The following OR2L13 variants were observed in gnomAD, a reference collection of about 807,000 sequenced individuals.
OR2L13 encodes olfactory receptor 2L13.
A neutral mutation model predicts 15.3 loss-of-function variants in OR2L13; 14 were observed. The ratio of observed to expected loss-of-function variants is 0.91; its 90% confidence interval spans 0.60 to 1.43. The LOEUF (loss-of-function observed/expected upper bound fraction) is 1.43, where lower values mean the gene tolerates loss of function less well. Ranked by LOEUF, OR2L13 falls within the 40% of genes most tolerant of loss-of-function variation. The probability of loss-of-function intolerance (pLI) is 0.00; values close to 1 mark genes in which losing one functional copy is unlikely to be tolerated. For synonymous variants in OR2L13, 152 were observed against 142.9 expected (o/e 1.06, Z -0.45); for missense variants, 367 against 387.9 (o/e 0.95, Z 0.45).
the OR2L13 span, chr1:248,061,730 G>A: frequency 4.9e-6 from 5 of 1,024,254 alleles, no homozygotes; most frequent in Admixed American, 1.2e-4. Flanking sequence ...AGTAATCAAG[G>A]TAAGAGAAAA....
chr1:247,980,403 G>A, the OR2L13 span, among the ~76,000 whole-genome samples: 1 of 152,098 alleles, frequency 6.6e-6, no homozygotes, highest in African/African-American at 2.4e-5. Context: ...CTTACTGCCA[G>A]TATAAACTAA....
chr1:248,052,406 T>A, the OR2L13 span, among the ~76,000 whole-genome samples: 1 of 152,294 alleles, frequency 6.6e-6, no homozygotes, highest in East Asian at 1.9e-4. Flanking sequence ...ATTGTTTTGA[T>A]TACTATAGCT....
chr1:248,061,879 G>GT, the OR2L13 span: 1 of 308,584 alleles, frequency 3.2e-6, no homozygotes, highest in African/African-American at 2.2e-5. Context: ...GAGAATTTTT[G>GT]TTTTTGGTCA....
At chr1:248,001,627 G>T in the OR2L13 span, among the ~76,000 whole-genome samples, 1 of 151,742 alleles carries the variant, frequency 6.6e-6, no homozygotes, top group Non-Finnish European at 1.5e-5. Flanking sequence ...TTTTACATAA[G>T]AAAAATATAT....
At chr1:247,979,195 G>A in the OR2L13 span, among the ~76,000 whole-genome samples, 1 of 151,916 alleles carries the variant, frequency 6.6e-6, no homozygotes, top group African/African-American at 2.4e-5. Flanking sequence ...TAAGTTCTAG[G>A]GTACATGTGC....
the OR2L13 span, among the ~76,000 whole-genome samples, chr1:248,016,861 C>T: frequency 6.6e-6 from 1 of 152,024 alleles, no homozygotes; most frequent in Admixed American, 6.6e-5. Flanking sequence ...CTTACAACCC[C>T]TGAATCTCAA....
At chr1:247,973,640 A>G in the OR2L13 span, among the ~76,000 whole-genome samples, 2 of 152,228 alleles carry the variant, frequency 1.3e-5, no homozygotes, top group African/African-American at 4.8e-5. Flanking sequence ...CACTTCCCAA[A>G]AGAAGATATT....
At chr1:247,947,608 G>A in the OR2L13 span, among the ~76,000 whole-genome samples, 1 of 152,164 alleles carries the variant, frequency 6.6e-6, no homozygotes, top group Non-Finnish European at 1.5e-5. Flanking sequence ...AATGTGTAAT[G>A]TTATCTAATC....
At chr1:247,982,042 C>G in the OR2L13 span, among the ~76,000 whole-genome samples, 1 of 152,156 alleles carries the variant, frequency 6.6e-6, no homozygotes, top group Non-Finnish European at 1.5e-5. Context: ...GTCTCAATCT[C>G]CTGACCTCGT....
the OR2L13 span, chr1:248,022,835 G>A: frequency 6.2e-7 from 1 of 1,613,476 alleles, no homozygotes; most frequent in Non-Finnish European, 8.5e-7. Context: ...ACAAGGAGGT[G>A]ATGGGGGCCC....
the OR2L13 span, chr1:247,975,130 C>T: frequency 2.6e-6 from 1 of 390,200 alleles, no homozygotes; most frequent in Non-Finnish European, 5.1e-6. Flanking sequence ...TTCCTCTCCA[C>T]TATCCCATCC....
At chr1:248,052,667 C>T in the OR2L13 span, among the ~76,000 whole-genome samples, 10 of 152,076 alleles carry the variant, frequency 6.6e-5, no homozygotes, top group African/African-American at 2.4e-4. Context: ...GGAGGTGGAG[C>T]TTGTAGTCAC....
the OR2L13 span, among the ~76,000 whole-genome samples, chr1:248,026,635 CAGA>C: frequency 6.6e-6 from 1 of 152,156 alleles, no homozygotes; most frequent in Admixed American, 6.5e-5. Flanking sequence ...GAAGCCATGG[CAGA>C]AGAACATAAA....
chr1:248,082,851 GA>G, the OR2L13 span, among the ~76,000 whole-genome samples: 1 of 152,258 alleles, frequency 6.6e-6, no homozygotes, highest in South Asian at 2.1e-4. Context: ...CATTCAGCAT[GA>G]TTATGCAATT....
chr1:248,063,623 G>C, the OR2L13 span, among the ~76,000 whole-genome samples: 1 of 152,142 alleles, frequency 6.6e-6, no homozygotes, highest in African/African-American at 2.4e-5. Context: ...CTTCCATCAC[G>C]AGTCACTTGC....
At chr1:247,960,696 T>G in the OR2L13 span, among the ~76,000 whole-genome samples, 1 of 152,188 alleles carries the variant, frequency 6.6e-6, no homozygotes, top group African/African-American at 2.4e-5. Flanking sequence ...CAGACTGCTG[T>G]GCTAGCAATG....
chr1:247,993,812 A>AGAGAGG, the OR2L13 span, among the ~76,000 whole-genome samples: 3 of 119,692 alleles, frequency 2.5e-5, no homozygotes, highest in Admixed American at 2.3e-4. Context: ...AGAGAGAGAG[A>AGAGAGG]AAGAAAGAGA....
chr1:248,026,117 A>G, the OR2L13 span, among the ~76,000 whole-genome samples: 13 of 152,302 alleles, frequency 8.5e-5, no homozygotes, highest in East Asian at 2.3e-3. Flanking sequence ...AAGAAAAATC[A>G]TTTGGCAAAT....
At chr1:248,012,812 G>T in the OR2L13 span, among the ~76,000 whole-genome samples, 1 of 151,772 alleles carries the variant, frequency 6.6e-6, no homozygotes, top group African/African-American at 2.4e-5. Flanking sequence ...TTAAATAAAT[G>T]ATTATTAAAA....
Sources: allele counts gnomAD v4.1 joint callset (sites outside exome capture counted in the v4.1 genomes callset), GRCh38; gene constraint gnomAD v4.1.1; transcripts MANE v1.5; gene names NCBI Gene and HGNC (gene_info 2026-07-23, HGNC 2026-07-21).